GLIS3: variants seen among roughly 807,000 people sequenced by gnomAD.
GLIS3 encodes the protein GLIS family zinc finger 3.
GLIS3 carries 53 observed loss-of-function variants against 78.6 expected under a neutral mutation model. That is an observed-to-expected ratio of 0.67 (90% CI 0.54 to 0.85). GLIS3 has a LOEUF of 0.85. GLIS3 is among the 40% of genes least tolerant of loss of function. GLIS3 has a pLI of 0.00. For missense variants in GLIS3, 1,703 were observed against 1,231.1 expected, an observed-to-expected ratio of 1.38 and a Z score of -5.74; for synonymous variants, 684 against 509.9, an observed-to-expected ratio of 1.34 and a Z score of -4.60.
intron 2 of GLIS3, among the ~76,000 whole-genome samples, chr9:4,330,064 C>T (rs1817662769): frequency 6.6e-6 from 1 of 152,158 alleles, no homozygotes; most frequent in African/African-American, 2.4e-5. Flanking sequence ...TAACACTTTC[C>T]ATCAGGAATG....
At chr9:4,313,078 CAAAA>C (rs976115928) in intron 2 of GLIS3, among the ~76,000 whole-genome samples, 8 of 152,220 alleles carry the variant, frequency 5.3e-5, no homozygotes, top group Non-Finnish European at 8.8e-5. Flanking sequence ...TTGGGGAAGA[CAAAA>C]AAGCCTCAAA....
At chr9:4,135,379 C>T (rs1020216668) in intron 2 of GLIS3, among the ~76,000 whole-genome samples, 7 of 152,158 alleles carry the variant, frequency 4.6e-5, no homozygotes, top group Non-Finnish European at 7.3e-5. Flanking sequence ...TATCCTCCCA[C>T]ATTCTTCTCT....
At chr9:4,336,512 A>G (rs1455950540) in intron 2 of GLIS3, among the ~76,000 whole-genome samples, 15 of 152,062 alleles carry the variant, frequency 9.9e-5, no homozygotes, top group Middle Eastern at 3.2e-3. Context: ...TGTTGATATC[A>G]CCCTTTCTCT....
chr9:3,908,898 C>T (rs1448336441), intron 6 of GLIS3, among the ~76,000 whole-genome samples: 1 of 151,988 alleles, frequency 6.6e-6, no homozygotes, highest in Non-Finnish European at 1.5e-5. Context: ...TTTTCAGTTC[C>T]ATTACATTTT....
chr9:4,434,768 C>G, the GLIS3 span, among the ~76,000 whole-genome samples: 22 of 152,178 alleles, frequency 1.4e-4, no homozygotes, highest in African/African-American at 5.1e-4. Flanking sequence ...TTTTCTCACT[C>G]CATTAAGTTA....
chr9:4,117,891 G>A lies in GLIS3; in HGVS notation c.1587C>T (p.Arg529=), dbSNP rs1309834586. ...RHIEKVHIDQ[R]KGEDFTCFWA... The stretch of plus-strand genomic sequence containing the variant: ...AGAAGCAAGTGAAGTCCTCCCCTTT[G>A]CGCTGGTCGATGTGGACCTTCTCGA... Residue 529 remains arginine, a synonymous_variant, in exon 4 of 11, where the codon CGC becomes CGT. Coordinates refer to ENST00000381971, the MANE Select transcript of GLIS3 (RefSeq NM_001042413.2). 1.9e-6 allele frequency: 3 copies of A among 1,614,108 alleles called. No individual in the cohort carries two copies. Among genetic ancestry groups the A allele is most frequent in the Non-Finnish European group, 1.7e-6 (2 of 1,180,026 alleles).
chr9:4,094,909 C>T (rs578135915), intron 4 of GLIS3, among the ~76,000 whole-genome samples: 36 of 152,114 alleles, frequency 2.4e-4, no homozygotes, highest in Non-Finnish European at 4.6e-4. Context: ...TTTTATTTAA[C>T]ATAATAATTG....
the GLIS3 span, among the ~76,000 whole-genome samples, chr9:4,437,452 CTA>C: frequency 6.6e-6 from 1 of 151,486 alleles, no homozygotes; most frequent in Non-Finnish European, 1.5e-5. Context: ...ATCTATCTAT[CTA>C]TCTATCTATC....
At chr9:4,469,189 A>T in the GLIS3 span, among the ~76,000 whole-genome samples, 1 of 152,172 alleles carries the variant, frequency 6.6e-6, no homozygotes, top group Non-Finnish European at 1.5e-5. Context: ...TAATAATGGG[A>T]GACTTTAACA....
At chr9:3,869,563 G>A (rs569777259) in intron 8 of GLIS3, among the ~76,000 whole-genome samples, 5 of 152,328 alleles carry the variant, frequency 3.3e-5, no homozygotes, top group South Asian at 2.1e-4. Flanking sequence ...ATCAAAGTAC[G>A]CAGGTTATAC....
the GLIS3 span, among the ~76,000 whole-genome samples, chr9:4,356,670 T>G: frequency 1.3e-5 from 2 of 152,242 alleles, no homozygotes; most frequent in Non-Finnish European, 2.9e-5. Context: ...AAAGAGTATG[T>G]GATCAAAGAC....
chr9:4,186,078 C>T (rs1208568106), intron 2 of GLIS3, among the ~76,000 whole-genome samples: 4 of 151,398 alleles, frequency 2.6e-5, no homozygotes, highest in East Asian at 3.9e-4. Context: ...TATACATGTG[C>T]CATGCTGGTG....
At chr9:4,011,275 A>G (rs1016019915) in intron 4 of GLIS3, among the ~76,000 whole-genome samples, 1 of 152,230 alleles carries the variant, frequency 6.6e-6, no homozygotes, top group African/African-American at 2.4e-5. Flanking sequence ...CGGGTTTGTA[A>G]GAGTCATCTG....
Position 4,118,189 on chromosome 9 carries a change from G to C in GLIS3, c.1289C>G (p.Thr430Ser). 2 of 1,584,672 alleles carry C rather than the reference G, an allele frequency of 1.3e-6. No individual in the cohort carries two copies. The highest frequency in any genetic ancestry group is 1.7e-6 in the Non-Finnish European group (2 of 1,165,326). ...PDSQSAGLFK[T>S]ERLEEFPGST... is the part of the protein sequence containing the mutation. ...GCCCGGGAACTCCTCCAGGCGTTCGGTCTTGAACAGGCCGGCCGACTGGCT... is the reference window on the plus strand; with the variant it reads ...GCCCGGGAACTCCTCCAGGCGTTCGCTCTTGAACAGGCCGGCCGACTGGCT... Residue 430 changes from threonine (T) to serine (S), a missense_variant, in exon 4 of 11, where the codon ACC becomes AGC. By Grantham distance (58) the Thr-to-Ser change is moderately conservative. Transcript: ENST00000381971. The surrounding 1 kb of genome is among the most constrained non-coding windows in gnomAD (Gnocchi z 4.7).
At position 3,861,472 on chromosome 9, in the gene GLIS3, A is replaced by C. The variant is rs190815916; in HGVS notation, c.2298-5288T>G. 2.7e-3 allele frequency among the ~76,000 whole-genome samples: 416 copies of C among 152,272 alleles called. 2 individuals carry two copies. Among genetic ancestry groups the C allele is most frequent in the African/African-American group, 9.7e-3 (405 of 41,544 alleles). ...TACCCAAATGAATATAAATCATATA[A>C]AGATACATGCATGTGTACGTTCATT... is the stretch of plus-strand genomic sequence containing the variant. On this transcript the variant is annotated intron_variant, in intron 8 of 10. Transcript: ENST00000381971.
intron 7 of GLIS3, among the ~76,000 whole-genome samples, chr9:3,884,921 A>C (rs1821973149): frequency 6.6e-6 from 1 of 152,202 alleles, no homozygotes; most frequent in Admixed American, 6.5e-5. Context: ...CTCTGTTTGC[A>C]AAGGCTGCTT....
intron 2 of GLIS3, among the ~76,000 whole-genome samples, chr9:4,260,658 A>G (rs1391046966): frequency 6.6e-6 from 1 of 152,010 alleles, no homozygotes; most frequent in Non-Finnish European, 1.5e-5. Flanking sequence ...AGGCACAAGA[A>G]TCTGTTGAAC....
chr9:4,003,338 T>C (rs1397757856), intron 4 of GLIS3, among the ~76,000 whole-genome samples: 2 of 152,132 alleles, frequency 1.3e-5, no homozygotes, highest in East Asian at 1.9e-4. Flanking sequence ...AACATTGCTA[T>C]ATATATTTTA....
intron 1 of GLIS3, among the ~76,000 whole-genome samples, chr9:4,295,077 G>A (rs951663143): frequency 6.6e-6 from 1 of 152,134 alleles, no homozygotes; most frequent in East Asian, 1.9e-4. Flanking sequence ...CCATTCTTCT[G>A]GGTAGGCATG....
Sources: gnomAD v4.1 joint callset for allele counts (sites outside exome capture counted in the v4.1 genomes callset) on GRCh38, gnomAD v4.1.1 for gene constraint, Gnocchi (gnomAD v3.1) non-coding constraint, MANE v1.5 for transcripts, NCBI Gene and HGNC (gene_info 2026-07-23, HGNC 2026-07-21) for gene names.